LAMA1: variants seen among roughly 807,000 people sequenced by gnomAD.
LAMA1 encodes laminin subunit alpha 1.
Under a neutral mutation model 348.7 loss-of-function variants are expected in LAMA1, and 219 were observed. That is an observed-to-expected ratio of 0.63 (90% CI 0.56 to 0.70). The LOEUF is 0.70. Ranked by LOEUF, LAMA1 falls within the 30% of genes least tolerant of loss-of-function variation. The probability of loss-of-function intolerance (pLI) is 0.00; values close to 1 mark genes in which losing one functional copy is unlikely to be tolerated. For missense variants in LAMA1, 3,744 were observed against 3,888.0 expected (o/e 0.96, Z 0.99); for synonymous variants, 1,487 against 1,491.0 (o/e 1.00, Z 0.06).
chr18:6,947,133 G>A, intron 61 of LAMA1, 30 bp downstream of exon 61: 1 of 1,613,540 alleles, frequency 6.2e-7, no homozygotes, highest in East Asian at 2.2e-5. Flanking sequence ...ACTGGGGGGA[G>A]GAAGACCCTC....
chr18:6,954,780 G>GTCGCCGTAT, intron 57 of LAMA1: 1 of 192,978 alleles, frequency 5.2e-6, no homozygotes, highest in Non-Finnish European at 1.1e-5. Flanking sequence ...GACGGGCAGG[G>GTCGCCGTAT]CATGGCAGAG....
chr18:6,980,942 T>C (rs1390891772), intron 41 of LAMA1, among the ~76,000 whole-genome samples: 1 of 151,692 alleles, frequency 6.6e-6, no homozygotes, highest in Admixed American at 6.6e-5. Context: ...AAAATAAAAA[T>C]AAAAATAAAC....
intron 6 of LAMA1, 56 bp from the exon 7 acceptor site, chr18:7,044,895 A>C: frequency 7.8e-7 from 1 of 1,284,638 alleles, no homozygotes; most frequent in Non-Finnish European, 1.1e-6. Flanking sequence ...TATGTTTCTT[A>C]ATTTCATGGT....
intron 9 of LAMA1, among the ~76,000 whole-genome samples, chr18:7,040,936 A>T (rs2058017821): frequency 6.6e-6 from 1 of 152,218 alleles, no homozygotes; most frequent in Non-Finnish European, 1.5e-5. Flanking sequence ...CAGAATAGGT[A>T]AATCTGCAAA....
At chr18:7,016,710 C>T (rs371751469) in intron 20 of LAMA1, 39 bp from the exon 21 acceptor site, 30 of 1,553,972 alleles carry the variant, frequency 1.9e-5, no homozygotes, top group East Asian at 4.6e-5. Context: ...AACCAACATA[C>T]GTTTTAATAA....
chr18:6,965,716 G>A (rs558212782), intron 49 of LAMA1: 178 of 452,602 alleles, frequency 3.9e-4, no homozygotes, highest in Non-Finnish European at 6.2e-4. Context: ...CAAGGGGCCC[G>A]TTCTAAAAAA....
chr18:7,002,877 T>C (rs1320258177), intron 29 of LAMA1, among the ~76,000 whole-genome samples: 6 of 136,558 alleles, frequency 4.4e-5, no homozygotes, highest in Non-Finnish European at 7.9e-5. Flanking sequence ...CAGTTAATTT[T>C]TTTCTTTCTT....
At chr18:7,107,308 C>T (rs541931695) in intron 1 of LAMA1, among the ~76,000 whole-genome samples, 3 of 152,068 alleles carry the variant, frequency 2.0e-5, no homozygotes, top group South Asian at 4.2e-4. Flanking sequence ...TTAGTGGAGA[C>T]GGAGTTTCAC....
At chr18:7,011,227 C>T in intron 25 of LAMA1, 73 bp downstream of exon 25, 1 of 1,511,828 alleles carries the variant, frequency 6.6e-7, no homozygotes, top group Non-Finnish European at 9.0e-7. Context: ...CCGGCCCAGA[C>T]TATGGTGATT....
intron 40 of LAMA1, 73 bp from the exon 41 acceptor site, chr18:6,982,663 C>T (rs1196149398): frequency 4.8e-6 from 6 of 1,254,182 alleles, no homozygotes; most frequent in Non-Finnish European, 7.0e-6. Flanking sequence ...GAGGAAGTGA[C>T]TCCATCAGAG....
chr18:7,003,131 C>T (rs34853673), intron 29 of LAMA1, among the ~76,000 whole-genome samples: 1 of 152,238 alleles, frequency 6.6e-6, no homozygotes, highest in East Asian at 1.9e-4. Flanking sequence ...GATCCTCCTG[C>T]CTTGGCCTCC....
At chr18:7,101,163 C>T (rs1035899690) in intron 1 of LAMA1, among the ~76,000 whole-genome samples, 2 of 152,128 alleles carry the variant, frequency 1.3e-5, no homozygotes, top group Non-Finnish European at 2.9e-5. Flanking sequence ...AAGGTTCATA[C>T]CAGACTGTGA....
chr18:6,980,749 T>G, intron 41 of LAMA1, 112 bp from the exon 42 acceptor site: 1 of 674,568 alleles, frequency 1.5e-6, no homozygotes, highest in South Asian at 1.7e-5. Context: ...TCTAAAGAGA[T>G]TCCCAATATT....
chr18:7,065,104 G>A (rs560891268), intron 3 of LAMA1, among the ~76,000 whole-genome samples: 9 of 152,020 alleles, frequency 5.9e-5, no homozygotes, highest in African/African-American at 1.7e-4. Flanking sequence ...ATAGTGGCAC[G>A]TGCCTGTAGT....
At chr18:7,047,045 C>CTTTTTTT (rs11312379) in intron 5 of LAMA1, among the ~76,000 whole-genome samples, 1 of 133,214 alleles carries the variant, frequency 7.5e-6, no homozygotes, top group African/African-American at 2.7e-5. Flanking sequence ...GCCTTGATTT[C>CTTTTTTT]TTTTTTTTTT....
chr18:7,074,251 T>C (rs1158937120), intron 3 of LAMA1, among the ~76,000 whole-genome samples: 4 of 152,194 alleles, frequency 2.6e-5, no homozygotes, highest in South Asian at 2.1e-4. Flanking sequence ...TCTTTCAATA[T>C]AGCAATCCTA....
chr18:7,073,991 C>T (rs1256180704), intron 3 of LAMA1, among the ~76,000 whole-genome samples: 1 of 152,150 alleles, frequency 6.6e-6, no homozygotes, highest in East Asian at 1.9e-4. Context: ...TTGGCCACCA[C>T]GCCCGGCTAA....
At chr18:6,952,577 T>C (rs955106844) in intron 57 of LAMA1, among the ~76,000 whole-genome samples, 1 of 152,242 alleles carries the variant, frequency 6.6e-6, no homozygotes, top group East Asian at 1.9e-4. Flanking sequence ...TTTCACTTTT[T>C]GAGGTTTCAG....
intron 3 of LAMA1, among the ~76,000 whole-genome samples, chr18:7,073,930 G>A (rs1030188918): frequency 6.6e-6 from 1 of 151,486 alleles, no homozygotes; most frequent in Non-Finnish European, 1.5e-5. Context: ...CACCTCCCGG[G>A]TTCAAGCTAT....
Sources: allele counts gnomAD v4.1 joint callset (sites outside exome capture counted in the v4.1 genomes callset), GRCh38; gene constraint gnomAD v4.1.1; transcripts MANE v1.5; gene names NCBI Gene and HGNC (gene_info 2026-07-23, HGNC 2026-07-21).